The following SPTLC1 variants were observed in gnomAD, a reference collection of about 807,000 sequenced individuals.
SPTLC1 encodes serine palmitoyltransferase long chain base subunit 1, also known as serine palmitoyltransferase 1.
SPTLC1 carries 55 observed loss-of-function variants against 68.9 expected under a neutral mutation model. That is an observed-to-expected ratio of 0.80 (90% confidence interval 0.64 to 1.00). SPTLC1 has a LOEUF of 1.00. Among genes scored for constraint, SPTLC1 ranks in the 50% least tolerant of loss-of-function variants. The pLI, the probability that SPTLC1 is intolerant of heterozygous loss-of-function variation, is 0.00. For synonymous variants in SPTLC1, 197 were observed against 201.6 expected, an observed-to-expected ratio of 0.98 and a Z score of 0.19; for missense variants, 449 against 573.1, an observed-to-expected ratio of 0.78 and a Z score of 2.21.
At position 92,080,957 on chromosome 9, in the gene SPTLC1, T is replaced by C; in HGVS notation, c.267A>G (p.Pro89=). 1 of 1,613,782 alleles carries C rather than the reference T, an allele frequency of 6.2e-7. No homozygotes were observed. The highest frequency in any genetic ancestry group is 8.5e-7 in the Non-Finnish European group (1 of 1,179,712). ...ALNYNIVSGP[P]SHKTVVNGKE... is the part of the protein sequence containing the mutation. ...TTCCATTCACCACAGTTTTGTGGCT[T>C]GGAGGGCTAGGGAAGAGATAGAGTG... Residue 89 remains proline (P), a synonymous_variant, in exon 4 of 15, where the codon CCA becomes CCG. Coordinates refer to ENST00000262554, the MANE Select transcript of SPTLC1 (RefSeq NM_006415.4).
intron 1 of SPTLC1, among the ~76,000 whole-genome samples, chr9:92,113,676 G>A (rs1836326028): frequency 6.6e-6 from 1 of 152,138 alleles, no homozygotes; most frequent in South Asian, 2.1e-4. Context: ...ACCTAATACT[G>A]GGCATCACTT....
chr9:92,068,225 T>G, intron 5 of SPTLC1, 127 bp from the exon 6 acceptor site: 1 of 868,288 alleles, frequency 1.2e-6, no homozygotes. Flanking sequence ...AATGGAATTG[T>G]TTTTAAATGA....
chr9:92,087,191 T>G (rs1195850259), intron 3 of SPTLC1, among the ~76,000 whole-genome samples: 12 of 152,250 alleles, frequency 7.9e-5, no homozygotes, highest in Admixed American at 2.6e-4. Flanking sequence ...GGTTTGAATT[T>G]CCTCCTGTAG....
chr9:92,106,565 C>G (rs377730507), intron 3 of SPTLC1, among the ~76,000 whole-genome samples: 72 of 152,254 alleles, frequency 4.7e-4, no homozygotes, highest in African/African-American at 1.7e-3. Flanking sequence ...CTCCCTGCCC[C>G]TGGCCACCTA....
At chr9:92,108,006 G>A (rs1485569546) in intron 3 of SPTLC1, 5 of 152,224 alleles carry the variant, frequency 3.3e-5, no homozygotes, top group African/African-American at 1.2e-4. Context: ...ATCCGTATGA[G>A]AGGCAAGAGT....
intron 13 of SPTLC1, among the ~76,000 whole-genome samples, chr9:92,037,214 G>C (rs1157063634): frequency 6.6e-6 from 1 of 152,176 alleles, no homozygotes; most frequent in Non-Finnish European, 1.5e-5. Flanking sequence ...CTGCCTGAGA[G>C]GCTGTCTAGG....
chr9:92,095,421 G>A (rs1302640989), intron 3 of SPTLC1, among the ~76,000 whole-genome samples: 1 of 152,162 alleles, frequency 6.6e-6, no homozygotes, highest in African/African-American at 2.4e-5. Context: ...ATTAATCAGA[G>A]GATTCTTTGC....
At chr9:92,063,999 A>G (rs1834194536) in intron 6 of SPTLC1, among the ~76,000 whole-genome samples, 1 of 152,236 alleles carries the variant, frequency 6.6e-6, no homozygotes, top group African/African-American at 2.4e-5. Context: ...AGTTCTTGCC[A>G]GTGCAATAAG....
At chr9:92,038,883 A>C (rs775869271) in intron 12 of SPTLC1, among the ~76,000 whole-genome samples, 3 of 152,228 alleles carry the variant, frequency 2.0e-5, no homozygotes, top group Non-Finnish European at 4.4e-5. Flanking sequence ...TTCCTTGCTT[A>C]TTATCTATGT....
intron 2 of SPTLC1, chr9:92,110,662 C>CT (rs551846993): frequency 1.3e-3 from 191 of 152,304 alleles, no homozygotes; most frequent in African/African-American, 4.3e-3. Flanking sequence ...AATACCATCT[C>CT]TATTATGCCT....
At chr9:92,079,702 A>G (rs1357633864) in intron 5 of SPTLC1, 8 of 805,528 alleles carry the variant, frequency 9.9e-6, no homozygotes, top group Non-Finnish European at 1.5e-5. Flanking sequence ...TCATCAGTGG[A>G]CTGTGGGCAG....
intron 5 of SPTLC1, among the ~76,000 whole-genome samples, chr9:92,074,908 C>T (rs144493264): frequency 1.8e-4 from 27 of 152,174 alleles, no homozygotes; most frequent in Admixed American, 6.5e-4. Flanking sequence ...CTTCCCAGCC[C>T]CTTTTTGCCT....
chr9:92,090,320 A>G (rs1271357777), intron 3 of SPTLC1, among the ~76,000 whole-genome samples: 2 of 152,188 alleles, frequency 1.3e-5, no homozygotes, highest in Non-Finnish European at 2.9e-5. Flanking sequence ...AGGAAGATTA[A>G]TTAACATTTG....
chr9:92,083,782 T>G (rs1045186908), intron 3 of SPTLC1, among the ~76,000 whole-genome samples: 33 of 152,232 alleles, frequency 2.2e-4, no homozygotes, highest in East Asian at 3.9e-4. Context: ...GTGAAGAAAG[T>G]CATTGGTAGC....
intron 3 of SPTLC1, chr9:92,105,312 G>C: frequency 3.3e-6 from 5 of 1,531,454 alleles, no homozygotes; most frequent in Non-Finnish European, 4.4e-6. Flanking sequence ...GCTTCCCAAA[G>C]AGAAGGACGC....
chr9:92,071,399 TCAACCACAACAA>T (rs968391598), intron 5 of SPTLC1, among the ~76,000 whole-genome samples: 14 of 152,280 alleles, frequency 9.2e-5, no homozygotes, highest in African/African-American at 3.4e-4. Flanking sequence ...AAACTCCGTC[TCAACCACAACAA>T]CACACACACA....
At chr9:92,105,466 A>C (rs1564118291) in intron 3 of SPTLC1, 1 of 1,083,852 alleles carries the variant, frequency 9.2e-7, no homozygotes, top group East Asian at 2.6e-5. Context: ...GCACTTTGGG[A>C]GGCCCAGGCG....
In SPTLC1 at chr9:92,079,449, T is replaced by G. The variant is rs1587952840; in HGVS notation, c.427+567A>C. The G allele has an allele frequency of 2.5e-6, 4 of 1,600,972 alleles. No individual in the cohort carries two copies. The East Asian group carries it at 6.7e-5, about 27-fold the overall frequency. On this transcript the variant is annotated intron_variant, in intron 5 of 14. Coordinates refer to ENST00000262554, the MANE Select transcript of SPTLC1 (RefSeq NM_006415.4). The stretch of plus-strand genomic sequence containing the variant: ...TAAAAACAACCATAAAATGCCGGTC[T>G]TCTTTGATGACTCCCAGGGAATTCA...
chr9:92,081,053 T>C, intron 3 of SPTLC1, 90 bp from the exon 4 acceptor site: 1 of 947,430 alleles, frequency 1.1e-6, no homozygotes, highest in Non-Finnish European at 1.7e-6. Context: ...CAACATAGTG[T>C]TGTCATCCTA....
Sources: allele counts gnomAD v4.1 joint callset (sites outside exome capture counted in the v4.1 genomes callset), GRCh38; gene constraint gnomAD v4.1.1; transcripts MANE v1.5; gene names NCBI Gene and HGNC (gene_info 2026-07-23, HGNC 2026-07-21).